SPTBN5: variants seen among roughly 807,000 people sequenced by gnomAD.
SPTBN5 encodes spectrin beta, non-erythrocytic 5, also known as spectrin beta chain, non-erythrocytic 5.
In SPTBN5, 513 loss-of-function variants were observed where a neutral mutation model predicts 477.6. The observed-to-expected ratio is 1.07, with a 90% CI of 1.00 to 1.16. The LOEUF (loss-of-function observed/expected upper bound fraction) is 1.16, where lower values mean the gene tolerates loss of function less well. SPTBN5 is among the 50% of genes most tolerant of loss of function. SPTBN5 has a pLI of 0.00. For synonymous variants in SPTBN5, 2,169 were observed against 2,011.7 expected (o/e 1.08, Z -2.09); for missense variants, 5,062 against 4,731.8 (o/e 1.07, Z -2.05).
At chr15:41,890,245 G>T in intron 3 of SPTBN5, 40 bp from the exon 4 acceptor site, 1 of 1,396,906 alleles carries the variant, frequency 7.2e-7, no homozygotes, top group Non-Finnish European at 1.0e-6. Flanking sequence ...TGAAGCCCAT[G>T]TCCAGAGAGG....
chr15:41,851,603 G>T (rs1224304302), intron 63 of SPTBN5, among the ~76,000 whole-genome samples, 176 bp downstream of exon 63: 2 of 150,094 alleles, frequency 1.3e-5, no homozygotes, highest in Non-Finnish European at 3.0e-5. Context: ...GTAGGTGGGG[G>T]CGGTGGCAGG....
chr15:41,882,183 C>T, intron 11 of SPTBN5, 38 bp from the exon 12 acceptor site: 1 of 1,500,426 alleles, frequency 6.7e-7, no homozygotes, highest in Non-Finnish European at 8.8e-7. Context: ...GGTGAAGGGG[C>T]GCGGCTGAGC....
In SPTBN5 at chr15:41,886,009, G is replaced by C; in HGVS notation, c.1246C>G (p.Gln416Glu). Residue 416 changes from glutamine (Q) to glutamate (E), a missense_variant, in exon 7 of 68, where the codon CAG (glutamine) becomes GAG (glutamate). Coordinates refer to ENST00000320955, the MANE Select transcript of SPTBN5 (RefSeq NM_016642.4). ...AEAARSQALQ[Q>E]RLLQLQRLET... ...AGCCGCTGCAGCTGCAGTAGCCTCT[G>C]CTGCAGGGCCTGGCTCCTTGCAGCC... is the stretch of plus-strand genomic sequence containing the variant. The C allele has an allele frequency of 1.3e-6, 2 of 1,552,092 alleles. No homozygotes were observed. The highest frequency in any genetic ancestry group is 1.7e-6 in the Non-Finnish European group (2 of 1,149,534).
chr15:41,853,012 G>A lies in SPTBN5; in HGVS notation c.10171-12C>T, dbSNP rs373704425. The A allele has an allele frequency of 1.0e-4, 157 of 1,502,628 alleles. 1 individual carries two copies. The African/African-American group carries it at 2.0e-3, about 19-fold the overall frequency. The allele number at this position is 1,502,628 out of a possible 1,614,324, so 93.1% of individuals were successfully genotyped here. On this transcript the variant is annotated splice_polypyrimidine_tract_variant and intron_variant, in intron 59 of 67. Transcript: ENST00000320955. ...AGGCACTCTGTCACCTGGTGGGGAG[G>A]GGCTGCTATGGGTGACAGCTTGGGT... is the stretch of plus-strand genomic sequence containing the variant.
At position 41,874,881 on chromosome 15, in the gene SPTBN5, G is replaced by T. The variant is rs2066668727; in HGVS notation, c.4463C>A (p.Ser1488Tyr). ...LASMAHGMAA[S>Y]PAILEETQKH... Reference sequence around the variant, plus strand: ...CTGGGTCTCTTCCAGGATGGCCGGGGAGGCGGCCATGCCATGGGCCATGGA... The same window carrying T: ...CTGGGTCTCTTCCAGGATGGCCGGGTAGGCGGCCATGCCATGGGCCATGGA... The change falls in exon 23 of 68, where the codon TCC becomes TAC. Residue 1488 changes from serine (S) to tyrosine (Y), a missense_variant. By Grantham distance (144) the Ser-to-Tyr change is moderately radical (BLOSUM62 -2). Transcript: ENST00000320955. 5.0e-6 allele frequency: 8 copies of T among 1,611,764 alleles called. No individual in the cohort carries two copies. Among genetic ancestry groups the T allele is most frequent in the South Asian group, 1.1e-5 (1 of 91,042 alleles).
intron 41 of SPTBN5, among the ~76,000 whole-genome samples, 182 bp from the exon 42 acceptor site, chr15:41,863,085 G>A (rs1032762172): frequency 1.3e-5 from 2 of 152,240 alleles, no homozygotes; most frequent in African/African-American, 4.8e-5. Context: ...GAGCAACTCT[G>A]GATTTGGAGT....
rs554325967 is a variant in SPTBN5 at position 41,888,320 on chromosome 15, G to A, written c.502-235C>T. ...AAAGAAGTGGAGCAAGGGAAAAGCC[G>A]TCACTGCAGAGGCGCTGGCTTTGTG... On this transcript the variant is annotated intron_variant, in intron 4 of 67. Transcript: ENST00000320955. Among the ~76,000 whole-genome samples the A allele has an allele frequency of 3.3e-5, 5 of 152,366 alleles. No individual in the cohort carries two copies. In the East Asian group the frequency reaches 5.8e-4, roughly 18 times the overall value.
At position 41,871,903 on chromosome 15, in the gene SPTBN5, T is replaced by G. The variant is rs2066551748; in HGVS notation, c.5180A>C (p.Glu1727Ala). Residue 1727 changes from glutamate (E) to alanine (A), a missense_variant, in exon 28 of 68, where the codon GAG becomes GCG. Transcript: ENST00000320955. ...ELAATRDREL[E>A]GTLRLHEFLR... is the part of the protein sequence containing the mutation. ...GAACTCATGCAGCCTCAGGGTCCCC[T>G]CCAGTTCCCGGTCCCTGTGGTAACA... 1 of 1,580,820 alleles carries G rather than the reference T, an allele frequency of 6.3e-7. No individual in the cohort carries two copies. Among genetic ancestry groups the G allele is most frequent in the African/African-American group, 1.3e-5 (1 of 74,074 alleles).
chr15:41,868,551 C>T lies in SPTBN5; in HGVS notation c.5904G>A (p.Val1968=), dbSNP rs1320384114. Residue 1968 remains valine, a synonymous_variant, in exon 33 of 68, where the codon GTG becomes GTA. Coordinates refer to ENST00000320955, the MANE Select transcript of SPTBN5 (RefSeq NM_016642.4). Reference sequence around the variant, plus strand: ...TGCTAGGCTCTTGCGAACTCTCCTCCACCTGCAGGTCCTGGCGCACGCGGG... The same window carrying T: ...TGCTAGGCTCTTGCGAACTCTCCTCTACCTGCAGGTCCTGGCGCACGCGGG... The part of the protein sequence containing the change: ...WAARVRQDLQ[V]EESSQEPSSG... 6.2e-7 allele frequency: 1 copy of T among 1,604,988 alleles called. No homozygotes were observed. The highest frequency in any genetic ancestry group is 8.5e-7 in the Non-Finnish European group (1 of 1,179,730).
At chr15:41,859,515 C>T (rs57243997) in intron 47 of SPTBN5, among the ~76,000 whole-genome samples, 1,786 of 152,228 alleles carry the variant, frequency 0.012, 31 homozygotes, top group African/African-American at 0.041. Context: ...TTGGAGACAG[C>T]GTCTTTAAAA....
chr15:41,883,647 AGAGGCAG>A (rs2067053910), intron 7 of SPTBN5, among the ~76,000 whole-genome samples, 161 bp from the exon 8 acceptor site: 1 of 152,208 alleles, frequency 6.6e-6, no homozygotes, highest in Non-Finnish European at 1.5e-5. Flanking sequence ...AGGCGGTGGT[AGAGGCAG>A]TGTGTCCTAC....
intron 47 of SPTBN5, among the ~76,000 whole-genome samples, chr15:41,859,258 A>G (rs1243870631): frequency 6.6e-6 from 1 of 152,142 alleles, no homozygotes; most frequent in African/African-American, 2.4e-5. Flanking sequence ...TCCCGGGTTC[A>G]AGCAATTCTT....
At chr15:41,873,410 TGA>T (rs2066609652) in intron 26 of SPTBN5, 80 bp downstream of exon 26, 3 of 1,077,024 alleles carry the variant, frequency 2.8e-6, no homozygotes, top group African/African-American at 1.6e-5. Flanking sequence ...TCCGTGCCTC[TGA>T]GAGAGGGAGG....
intron 62 of SPTBN5, 78 bp from the exon 63 acceptor site, chr15:41,851,928 GCT>G: frequency 2.5e-6 from 3 of 1,188,830 alleles, no homozygotes; most frequent in Non-Finnish European, 3.7e-6. Context: ...ACTGCCCCCA[GCT>G]CTCTTTATTC....
intron 16 of SPTBN5, 138 bp from the exon 17 acceptor site, chr15:41,878,767 G>A (rs2066837704): frequency 3.0e-6 from 3 of 1,015,932 alleles, no homozygotes; most frequent in African/African-American, 1.6e-5. Flanking sequence ...TGACCTGGGG[G>A]CAGCAAGAAC....
intron 7 of SPTBN5, 72 bp downstream of exon 7, chr15:41,885,663 G>T: frequency 6.7e-7 from 1 of 1,485,626 alleles, no homozygotes; most frequent in South Asian, 1.3e-5. Flanking sequence ...ATGGGCACAT[G>T]ACATGGAAGG....
At chr15:41,862,451 T>C in intron 43 of SPTBN5, 88 bp downstream of exon 43, 1 of 1,530,718 alleles carries the variant, frequency 6.5e-7, no homozygotes, top group Non-Finnish European at 8.8e-7. Flanking sequence ...GGAGAAGGAA[T>C]CCTAGGGGAA....
In SPTBN5 at chr15:41,878,352, A is replaced by G; in HGVS notation, c.3460T>C (p.Trp1154Arg). The G allele has an allele frequency of 6.2e-7, 1 of 1,613,542 alleles. No individual in the cohort carries two copies. Among genetic ancestry groups the G allele is most frequent in the Non-Finnish European group, 8.5e-7 (1 of 1,179,800 alleles). The stretch of plus-strand genomic sequence containing the variant: ...CCCTCCTGTCCTGACCTCTCCTGCC[A>G]CAGGTGGATCTCCTCCAGCAGGTCT... ...HQDLLEEIHL[W>R]QERLQQLDAQ... The change falls in exon 17 of 68, where the codon TGG (tryptophan) becomes CGG (arginine). Residue 1154 changes from tryptophan to arginine, a missense_variant. Trp to Arg is a moderately radical substitution (Grantham distance 101, BLOSUM62 -3). Transcript: ENST00000320955.
chr15:41,890,623 G>A (rs1383087263), intron 3 of SPTBN5, among the ~76,000 whole-genome samples: 2 of 152,238 alleles, frequency 1.3e-5, no homozygotes, highest in African/African-American at 4.8e-5. Context: ...TTCAGGGGGT[G>A]GCTGGGTCCC....
Sources: gnomAD v4.1 joint callset for allele counts (sites outside exome capture counted in the v4.1 genomes callset) on GRCh38, gnomAD v4.1.1 for gene constraint, MANE v1.5 for transcripts, NCBI Gene and HGNC (gene_info 2026-07-23, HGNC 2026-07-21) for gene names.